Variants in MAGI2 observed in about 807,000 individuals in gnomAD.
The protein encoded by MAGI2 is membrane associated guanylate kinase, WW and PDZ domain containing 2, also known as membrane-associated guanylate kinase, WW and PDZ domain-containing protein 2.
Under a neutral mutation model 133.3 loss-of-function variants are expected in MAGI2, and 35 were observed. The ratio of observed to expected loss-of-function variants is 0.26; its 90% CI spans 0.20 to 0.35. The LOEUF (loss-of-function observed/expected upper bound fraction) is 0.35, where lower values mean the gene tolerates loss of function less well. Among genes scored for constraint, MAGI2 ranks in the 10% least tolerant of loss-of-function variants. The pLI is 1.00. For synonymous variants in MAGI2, 729 were observed against 710.6 expected (o/e 1.03, Z -0.41); for missense variants, 1,636 against 1,863.4 (o/e 0.88, Z 2.25).
At chr7:78,724,809 C>T (rs1331222954) in intron 2 of MAGI2, among the ~76,000 whole-genome samples, 1 of 152,172 alleles carries the variant, frequency 6.6e-6, no homozygotes, top group Non-Finnish European at 1.5e-5. Context: ...CTTCTAATAA[C>T]AATGCATAAC....
chr7:78,373,776 T>A (rs1471638267), intron 6 of MAGI2, among the ~76,000 whole-genome samples: 1 of 152,078 alleles, frequency 6.6e-6, no homozygotes, highest in Non-Finnish European at 1.5e-5. Flanking sequence ...TAGTCCCAAG[T>A]GTCTATTGTT....
rs1292294011 is a variant in MAGI2 at position 78,018,656 on chromosome 7, G to C, written c.*659C>G. 1 of 152,700 alleles carries C rather than the reference G, an allele frequency of 6.5e-6. No homozygotes were observed. Among genetic ancestry groups the C allele is most frequent in the Non-Finnish European group, 1.5e-5 (1 of 68,244 alleles). The allele number at this position is 152,700 out of a possible 1,614,324, so 9.5% of individuals were successfully genotyped here. On this transcript the variant is annotated 3_prime_UTR_variant, in exon 22 of 22. Coordinates refer to ENST00000354212, the MANE Select transcript of MAGI2 (RefSeq NM_012301.4). The stretch of plus-strand genomic sequence containing the variant: ...TGATCACAGAAAGGGCAATAAAAAT[G>C]GCATCACACCAAGAAACTCACTAGA...
intron 3 of MAGI2, among the ~76,000 whole-genome samples, chr7:78,605,545 A>G (rs958283915): frequency 6.6e-6 from 1 of 152,226 alleles, no homozygotes; most frequent in African/African-American, 2.4e-5. Flanking sequence ...CCAGGATTTA[A>G]AAGTCCAGTA....
chr7:78,799,602 C>A (rs924679769), intron 2 of MAGI2, among the ~76,000 whole-genome samples: 1 of 152,092 alleles, frequency 6.6e-6, no homozygotes, highest in African/African-American at 2.4e-5. Flanking sequence ...AGCTGCATTA[C>A]TCTTTTTCTA....
At chr7:79,324,874 A>G (rs1376893776) in intron 1 of MAGI2, among the ~76,000 whole-genome samples, 2 of 150,856 alleles carry the variant, frequency 1.3e-5, no homozygotes, top group African/African-American at 2.4e-5. Flanking sequence ...ATGCCTTTTC[A>G]GTATACAAAG....
At chr7:78,460,855 TTA>T (rs1789902030) in intron 6 of MAGI2, among the ~76,000 whole-genome samples, 2 of 152,110 alleles carry the variant, frequency 1.3e-5, no homozygotes, top group Non-Finnish European at 2.9e-5. Context: ...TCAATAAACC[TTA>T]TGTCTTATTC....
chr7:78,470,583 T>C (rs1023210284), intron 6 of MAGI2, among the ~76,000 whole-genome samples: 2 of 152,148 alleles, frequency 1.3e-5, no homozygotes, highest in Non-Finnish European at 2.9e-5. Context: ...ATTAATGCTG[T>C]AGATCATTTT....
intron 2 of MAGI2, among the ~76,000 whole-genome samples, chr7:78,745,016 A>C (rs1284904974): frequency 6.6e-6 from 1 of 152,168 alleles, no homozygotes; most frequent in Non-Finnish European, 1.5e-5. Context: ...ACGATTATTC[A>C]ACGCTACAGC....
chr7:78,723,828 G>A (rs73150791), intron 2 of MAGI2, among the ~76,000 whole-genome samples: 6,869 of 152,228 alleles, frequency 0.045, 232 homozygotes, highest in Non-Finnish European at 0.069. Context: ...AGTATAGGGA[G>A]ATAGATGTTG....
intron 2 of MAGI2, among the ~76,000 whole-genome samples, chr7:78,633,199 T>G (rs1381389170): frequency 6.6e-6 from 1 of 152,104 alleles, no homozygotes; most frequent in African/African-American, 2.4e-5. Context: ...GGTGAGAACT[T>G]AGGAACACAA....
At chr7:78,736,426 GA>G (rs1821852118) in intron 2 of MAGI2, among the ~76,000 whole-genome samples, 3 of 152,102 alleles carry the variant, frequency 2.0e-5, no homozygotes, top group Non-Finnish European at 4.4e-5. Flanking sequence ...ACATTTTTAA[GA>G]ACCATACTTC....
At chr7:79,143,406 G>T (rs953917515) in intron 1 of MAGI2, among the ~76,000 whole-genome samples, 2 of 152,210 alleles carry the variant, frequency 1.3e-5, no homozygotes, top group African/African-American at 4.8e-5. Flanking sequence ...TGTAACATCT[G>T]TTAAGCTAAA....
intron 2 of MAGI2, among the ~76,000 whole-genome samples, chr7:78,810,120 T>C (rs1209671827): frequency 6.6e-6 from 1 of 152,174 alleles, no homozygotes; most frequent in East Asian, 1.9e-4. Flanking sequence ...TTTTTCTTTT[T>C]TAGGAAAGGC....
intron 3 of MAGI2, among the ~76,000 whole-genome samples, chr7:78,576,525 G>C (rs914468036): frequency 2.0e-5 from 3 of 149,996 alleles, no homozygotes; most frequent in South Asian, 4.2e-4. Flanking sequence ...CCCTCTCCCA[G>C]AGCAAGCCAT....
At chr7:78,187,300 ATAAAAT>A (rs1827785637) in intron 12 of MAGI2, among the ~76,000 whole-genome samples, 1 of 152,108 alleles carries the variant, frequency 6.6e-6, no homozygotes, top group Admixed American at 6.6e-5. Context: ...ATTTTGGTCT[ATAAAAT>A]TATATATTTA....
At chr7:78,338,425 C>T (rs1210175474) in intron 9 of MAGI2, among the ~76,000 whole-genome samples, 5 of 152,194 alleles carry the variant, frequency 3.3e-5, no homozygotes, top group African/African-American at 9.7e-5. Flanking sequence ...CCCAGCAGAA[C>T]GGATTCCCCC....
At chr7:79,229,252 A>G (rs574644833) in intron 1 of MAGI2, among the ~76,000 whole-genome samples, 43 of 152,232 alleles carry the variant, frequency 2.8e-4, no homozygotes, top group African/African-American at 8.4e-4. Flanking sequence ...GATATCTCAC[A>G]TATCTTTGAA....
At chr7:78,091,804 A>C (rs2151218829) in intron 20 of MAGI2, among the ~76,000 whole-genome samples, 1 of 152,336 alleles carries the variant, frequency 6.6e-6, no homozygotes, top group Admixed American at 6.5e-5. Context: ...TTCTACATGA[A>C]GAAGCAGCTA....
intron 6 of MAGI2, among the ~76,000 whole-genome samples, chr7:78,393,266 G>A (rs1487779379): frequency 2.6e-5 from 4 of 152,162 alleles, no homozygotes; most frequent in Admixed American, 2.0e-4. Flanking sequence ...TGTGGCCTAG[G>A]TTTGGGCAAT....
Sources: allele counts gnomAD v4.1 joint callset (sites outside exome capture counted in the v4.1 genomes callset), GRCh38; gene constraint gnomAD v4.1.1; transcripts MANE v1.5; gene names NCBI Gene and HGNC (gene_info 2026-07-23, HGNC 2026-07-21).